Variants in DOK7 observed in about 807,000 individuals in gnomAD.
DOK7 encodes the protein protein Dok-7.
A neutral mutation model predicts 30.7 loss-of-function variants in DOK7; 32 were observed. The observed-to-expected ratio is 1.04, with a 90% CI of 0.79 to 1.40. The LOEUF is 1.40. Among genes scored for constraint, DOK7 ranks in the 40% most tolerant of loss-of-function variants. The pLI is 0.00. For synonymous variants in DOK7, 447 were observed against 324.1 expected (o/e 1.38, Z -4.07); for missense variants, 1,007 against 699.2 (o/e 1.44, Z -4.97).
chr4:3,487,855 C>T (rs1447255345), intron 5 of DOK7, among the ~76,000 whole-genome samples: 1 of 152,232 alleles, frequency 6.6e-6, no homozygotes, highest in Non-Finnish European at 1.5e-5. Flanking sequence ...TGTCCCAGGG[C>T]TGAGGGGCAG....
Position 3,494,101 on chromosome 4 carries a change from C to G in DOK7, c.*600C>G, listed in dbSNP as rs572014077. On this transcript the variant is annotated 3_prime_UTR_variant, in exon 7 of 7. Coordinates refer to ENST00000340083, the MANE Select transcript of DOK7 (RefSeq NM_173660.5). The stretch of plus-strand genomic sequence containing the variant: ...TCTCTGGGTTCTGGGCCCCACTGTT[C>G]CCCAGTGAAGCCCTTGTGGGAAGGT... The G allele has an allele frequency of 5.1e-6, 5 of 986,112 alleles. No individual in the cohort carries two copies. The highest frequency in any genetic ancestry group is 6.0e-6 in the Non-Finnish European group (5 of 830,432). The allele number at this position is 986,112 out of a possible 1,614,324, so 61.1% of individuals were successfully genotyped here.
intron 4 of DOK7, among the ~76,000 whole-genome samples, chr4:3,483,942 C>T (rs556189650): frequency 7.9e-5 from 12 of 152,352 alleles, no homozygotes; most frequent in Middle Eastern, 3.4e-3. Flanking sequence ...ATGAGCCTCT[C>T]GGGGCATCCT....
rs76006258 is a variant in DOK7 at position 3,487,586 on chromosome 4, C to T, written c.652+1928C>T. 2.2e-3 allele frequency among the ~76,000 whole-genome samples: 329 copies of T among 152,274 alleles called. 6 individuals are homozygous for T. In the East Asian group the frequency reaches 0.049, roughly 23 times the overall value. On this transcript the variant is annotated intron_variant, in intron 5 of 6. Transcript: ENST00000340083. Reference sequence around the variant, plus strand: ...CAGAGGTCTGGGGTCCACCATGCTCCGAGTATGGCGTGCATGTTACCTTCT... The same window carrying T: ...CAGAGGTCTGGGGTCCACCATGCTCTGAGTATGGCGTGCATGTTACCTTCT...
downstream of DOK7, chr4:3,496,804 G>A (rs547568124): frequency 3.9e-6 from 6 of 1,535,936 alleles, no homozygotes; most frequent in South Asian, 1.2e-5. Flanking sequence ...ACTGACCCAG[G>A]TTCTCTTTGG....
At position 3,465,139 on chromosome 4, in the gene DOK7, G is replaced by A. The variant is rs186605977; in HGVS notation, c.100+1588G>A. Among the ~76,000 whole-genome samples, 340 of 152,266 alleles carry A rather than the reference G, an allele frequency of 2.2e-3. 2 individuals are homozygous for A. The highest frequency in any genetic ancestry group is 7.1e-3 in the African/African-American group (296 of 41,556). On this transcript the variant is annotated intron_variant, in intron 2 of 6. Transcript: ENST00000340083. Reference sequence around the variant, plus strand: ...CTTTGGACACCTGCTTTCTGTGTTGGTCACTCCAGCAGCCCAGGGTTGAAA... The same window carrying A: ...CTTTGGACACCTGCTTTCTGTGTTGATCACTCCAGCAGCCCAGGGTTGAAA...
Position 3,489,721 on chromosome 4 carries a change from C to G in DOK7, c.697C>G (p.Gln233Glu). The G allele has an allele frequency of 6.4e-7, 1 of 1,565,272 alleles. No homozygotes were observed. Among genetic ancestry groups the G allele is most frequent in the Non-Finnish European group, 8.7e-7 (1 of 1,155,010 alleles). The change falls in exon 6 of 7, where the codon CAG becomes GAG. Residue 233 changes from glutamine to glutamate, a missense_variant. Coordinates refer to ENST00000340083, the MANE Select transcript of DOK7 (RefSeq NM_173660.5). Reference sequence around the variant, plus strand: ...CTCGACTGTGGAGGAGCGTGTGGCCCAGGAAGCCCTGGAAACCCTACAGCT... The same window carrying G: ...CTCGACTGTGGAGGAGCGTGTGGCCGAGGAAGCCCTGGAAACCCTACAGCT... ...GPSTVEERVA[Q>E]EALETLQLEK...
chr4:3,489,547 G>T, intron 5 of DOK7, 130 bp from the exon 6 acceptor site: 1 of 1,436,938 alleles, frequency 7.0e-7, no homozygotes. Flanking sequence ...GCATCGGGAG[G>T]AGCGGGGACT....
downstream of DOK7, among the ~76,000 whole-genome samples, chr4:3,496,015 C>T (rs1358311056): frequency 8.5e-5 from 13 of 152,218 alleles, no homozygotes; most frequent in African/African-American, 1.4e-4. Flanking sequence ...CCCCCACCCA[C>T]GAGGCCCCTC....
Position 3,463,562 on chromosome 4 carries a change from CGGG to C in DOK7, c.100+12_100+14del. The C allele has an allele frequency of 1.1e-5, 3 of 271,514 alleles. No individual in the cohort carries two copies. Among genetic ancestry groups the C allele is most frequent in the East Asian group, 9.0e-5 (1 of 11,162 alleles). 16.8% of individuals were successfully genotyped at this position (271,514 alleles called of 1,614,324 possible). A position where few individuals can be genotyped will look rare whatever the true frequency, so the allele number is the denominator to read the frequency against. The stretch of plus-strand genomic sequence containing the variant: ...CGTCGCCCGTGGCAGGTGAGCGGGG[CGGG>C]CGGGGGACGGGGGGCGCGGGGGTAG... On this transcript the variant is annotated intron_variant, in intron 2 of 6. Coordinates refer to ENST00000340083, the MANE Select transcript of DOK7 (RefSeq NM_173660.5).
downstream of DOK7, among the ~76,000 whole-genome samples, chr4:3,495,496 G>C (rs1337555525): frequency 6.6e-6 from 1 of 152,238 alleles, no homozygotes. Context: ...TCCCTGTGGG[G>C]ATGCGGCCGG....
chr4:3,484,125 TG>T (rs1443367991), intron 4 of DOK7, among the ~76,000 whole-genome samples: 1 of 152,200 alleles, frequency 6.6e-6, no homozygotes, highest in East Asian at 1.9e-4. Flanking sequence ...GGTGGACAGG[TG>T]GCGTGCCTTC....
downstream of DOK7, among the ~76,000 whole-genome samples, chr4:3,495,302 G>A (rs1728845022): frequency 6.6e-6 from 1 of 151,448 alleles, no homozygotes; most frequent in Non-Finnish European, 1.5e-5. Context: ...TCCTTTGCTG[G>A]GGAGCCAGGC....
chr4:3,468,813 T>C (rs1267006695), intron 2 of DOK7, among the ~76,000 whole-genome samples: 1 of 148,532 alleles, frequency 6.7e-6, no homozygotes, highest in Non-Finnish European at 1.5e-5. Flanking sequence ...TGTGCCTGTG[T>C]GTGTATGCAT....
chr4:3,476,232 CCGTG>C, intron 3 of DOK7, 106 bp from the exon 4 acceptor site: 1 of 976,768 alleles, frequency 1.0e-6, no homozygotes, highest in Non-Finnish European at 1.4e-6. Flanking sequence ...CCCCGCCTGC[CCGTG>C]ATGCCCTCTC....
intron 5 of DOK7, among the ~76,000 whole-genome samples, chr4:3,487,463 G>C (rs1473174895): frequency 2.0e-5 from 3 of 152,234 alleles, no homozygotes; most frequent in Non-Finnish European, 2.9e-5. Flanking sequence ...CCCACTGGAG[G>C]GGCCAAGAGA....
Position 3,493,299 on chromosome 4 carries a change from C to T in DOK7, c.1313C>T (p.Thr438Met), listed in dbSNP as rs376805794. 73 of 1,607,038 alleles carry T rather than the reference C, an allele frequency of 4.5e-5. No homozygotes were observed. Among genetic ancestry groups the T allele is most frequent in the South Asian group, 1.8e-4 (16 of 90,420 alleles). Residue 438 changes from threonine to methionine, a missense_variant, in exon 7 of 7, where the codon ACG becomes ATG. Physicochemically the swap from Thr to Met is moderately conservative, Grantham distance 81. Transcript: ENST00000340083. ...NSAARDSGGQ[T>M]SAGCPSGWLG... ...GCGGCCAGGGACTCAGGCGGCCAGA[C>T]GTCCGCCGGGTGTCCCTCTGGCTGG...
In DOK7 at chr4:3,493,727, CGGGGT is replaced by C; in HGVS notation, c.*227_*231del. 2.1e-6 allele frequency: 3 copies of C among 1,422,632 alleles called. No homozygotes were observed. Among genetic ancestry groups the C allele is most frequent in the South Asian group, 3.1e-5 (2 of 65,356 alleles). The allele number at this position is 1,422,632 out of a possible 1,614,324, so 88.1% of individuals were successfully genotyped here. A position where few individuals can be genotyped will look rare whatever the true frequency, so the allele number is the denominator to read the frequency against. Reference sequence around the variant, plus strand: ...GGCAGGGGCTCTGGGTCCGGCAGGTCGGGGTCACCAGAGCCCCAATGCTCAGCTGC... The same window carrying C: ...GGCAGGGGCTCTGGGTCCGGCAGGTCCACCAGAGCCCCAATGCTCAGCTGC... On this transcript the variant is annotated 3_prime_UTR_variant, in exon 7 of 7. Transcript: ENST00000340083.
At position 3,469,597 on chromosome 4, in the gene DOK7, G is replaced by A. The variant is rs540604902; in HGVS notation, c.101-3809G>A. ...TCTGGGCCTGGCGCCCGGGGAGCTG[G>A]CCAGTGGCCATCCACTCCTGAGTCC... On this transcript the variant is annotated intron_variant, in intron 2 of 6. Transcript: ENST00000340083. Among the ~76,000 whole-genome samples, 5 of 152,216 alleles carry A rather than the reference G, an allele frequency of 3.3e-5. No homozygotes were observed. In the East Asian group the frequency reaches 7.8e-4, roughly 24 times the overall value.
intron 3 of DOK7, among the ~76,000 whole-genome samples, chr4:3,474,334 C>T (rs78724090): frequency 0.057 from 8,741 of 152,212 alleles, 449 homozygotes; most frequent in African/African-American, 0.12. Flanking sequence ...CTGGTCCTAC[C>T]CTGGCACCCA....
Sources: gnomAD v4.1 joint callset for allele counts (sites outside exome capture counted in the v4.1 genomes callset) on GRCh38, gnomAD v4.1.1 for gene constraint, MANE v1.5 for transcripts, NCBI Gene and HGNC (gene_info 2026-07-23, HGNC 2026-07-21) for gene names.